Variants in CSMD1 observed in about 807,000 individuals in gnomAD.
CSMD1 encodes CUB and sushi domain-containing protein 1.
CSMD1 carries 213 observed loss-of-function variants against 417.5 expected under a neutral mutation model. That is an observed-to-expected ratio of 0.51 (90% CI 0.46 to 0.57). The LOEUF (loss-of-function observed/expected upper bound fraction) is 0.57. Among genes scored for constraint, CSMD1 ranks in the 20% least tolerant of loss-of-function variants. CSMD1 has a pLI of 0.00. For synonymous variants in CSMD1, 2,862 were observed against 1,736.8 expected, an observed-to-expected ratio of 1.65 and a Z score of -16.11; for missense variants, 6,923 against 4,529.7, an observed-to-expected ratio of 1.53 and a Z score of -15.17.
intron 3 of CSMD1, among the ~76,000 whole-genome samples, chr8:4,323,405 G>A (rs943193980): frequency 3.9e-5 from 6 of 152,122 alleles, no homozygotes; most frequent in Non-Finnish European, 2.9e-5. Context: ...TCACAGCCTT[G>A]TTCCATGTCT....
At chr8:3,239,133 C>T (rs1263037330) in intron 26 of CSMD1, among the ~76,000 whole-genome samples, 3 of 152,112 alleles carry the variant, frequency 2.0e-5, no homozygotes, top group Non-Finnish European at 2.9e-5. Context: ...ACTTTCTATT[C>T]CTTTTTAAGT....
Position 4,336,425 on chromosome 8 carries a change from C to T in CSMD1, c.415+83528G>A, listed in dbSNP as rs372638297. Among the ~76,000 whole-genome samples, 5 of 152,178 alleles carry T rather than the reference C, an allele frequency of 3.3e-5. No individual in the cohort carries two copies. The East Asian group carries it at 7.8e-4, about 24-fold the overall frequency. ...ACTCCTGATGGAATGACCCTAAGGCCCCCGGTCAGTTAATGTCAGCATCTG... is the reference window on the plus strand; with the variant it reads ...ACTCCTGATGGAATGACCCTAAGGCTCCCGGTCAGTTAATGTCAGCATCTG... On this transcript the variant is annotated intron_variant, in intron 3 of 69. Transcript: ENST00000635120.
At chr8:3,430,180 A>G (rs1814128597) in intron 12 of CSMD1, among the ~76,000 whole-genome samples, 1 of 152,142 alleles carries the variant, frequency 6.6e-6, no homozygotes, top group Admixed American at 6.6e-5. Flanking sequence ...GAATTCTAAT[A>G]TCTCATCTTC....
At chr8:4,803,520 A>G (rs1416026093) in intron 1 of CSMD1, among the ~76,000 whole-genome samples, 1 of 152,104 alleles carries the variant, frequency 6.6e-6, no homozygotes, top group Admixed American at 6.5e-5. Flanking sequence ...ACAGACCAGA[A>G]CTACCAGAGA....
chr8:3,693,323 AT>A (rs552740174), intron 7 of CSMD1, among the ~76,000 whole-genome samples: 10 of 151,830 alleles, frequency 6.6e-5, no homozygotes, highest in Non-Finnish European at 1.5e-4. Context: ...ATATATGATA[AT>A]TTTTTTTTCA....
rs573336549 is a variant in CSMD1 at position 3,284,327 on chromosome 8, C to A, written c.3970G>T (p.Asp1324Tyr). The change falls in exon 26 of 70, where the codon GAC becomes TAC. Residue 1324 changes from aspartate (D) to tyrosine (Y), a missense_variant. Transcript: ENST00000635120. ...AGGATGTCGTGAGCCATCTCCGTGTCGAAAACAATGAAATGGAGGCTGCAA... is the reference window on the plus strand; with the variant it reads ...AGGATGTCGTGAGCCATCTCCGTGTAGAAAACAATGAAATGGAGGCTGCAA... The part of the protein sequence containing the change: ...KTISLHFIVF[D>Y]TEMAHDILKV... 3 of 1,613,588 alleles carry A rather than the reference C, an allele frequency of 1.9e-6. No individual in the cohort carries two copies. The highest frequency in any genetic ancestry group is 1.3e-5 in the African/African-American group (1 of 75,002).
chr8:3,144,019 A>G (rs1261775167), intron 40 of CSMD1, among the ~76,000 whole-genome samples: 1 of 152,230 alleles, frequency 6.6e-6, no homozygotes, highest in East Asian at 1.9e-4. Context: ...TTAATTATGG[A>G]GAAACTTGGC....
chr8:3,674,149 G>C (rs1486330757), intron 7 of CSMD1, among the ~76,000 whole-genome samples: 1 of 152,130 alleles, frequency 6.6e-6, no homozygotes, highest in African/African-American at 2.4e-5. Context: ...ATTTGTCAAT[G>C]TTGAGCAACA....
At chr8:4,066,964 C>G (rs557591485) in intron 3 of CSMD1, among the ~76,000 whole-genome samples, 1 of 152,330 alleles carries the variant, frequency 6.6e-6, no homozygotes, top group East Asian at 1.9e-4. Flanking sequence ...AGGGTGGAAC[C>G]TAATGAGTAT....
chr8:3,292,631 C>T (rs1029425078), intron 25 of CSMD1, among the ~76,000 whole-genome samples: 11 of 152,098 alleles, frequency 7.2e-5, no homozygotes, highest in Non-Finnish European at 1.5e-4. Flanking sequence ...TCTGTTTTAT[C>T]AGAGACTAGG....
intron 1 of CSMD1, among the ~76,000 whole-genome samples, chr8:4,903,300 AT>A (rs780518422): frequency 6.4e-4 from 98 of 152,240 alleles, no homozygotes; most frequent in Non-Finnish European, 1.2e-3. Flanking sequence ...TCTGATTTCC[AT>A]TTAGCAATTG....
chr8:3,010,338 G>A lies in CSMD1; in HGVS notation c.8029+8139C>T, dbSNP rs367878823. Among the ~76,000 whole-genome samples the A allele has an allele frequency of 1.8e-4, 27 of 152,308 alleles. 1 individual carries two copies. Among genetic ancestry groups the A allele is most frequent in the East Asian group, 1.2e-3 (6 of 5,186 alleles). On this transcript the variant is annotated intron_variant, in intron 52 of 69. Transcript: ENST00000635120. ...CTATGCACTTCCCCTATTGGACTGT[G>A]AGTTCTGAGTGCAGCACCATGCCTT...
At chr8:3,971,885 T>C (rs1025797968) in intron 5 of CSMD1, among the ~76,000 whole-genome samples, 1 of 152,146 alleles carries the variant, frequency 6.6e-6, no homozygotes, top group Admixed American at 6.6e-5. Flanking sequence ...TCTTTGTTGA[T>C]TTTTTTGTTG....
intron 1 of CSMD1, among the ~76,000 whole-genome samples, chr8:4,700,917 G>A (rs1457713442): frequency 2.6e-5 from 4 of 152,160 alleles, no homozygotes; most frequent in African/African-American, 9.7e-5. Flanking sequence ...GATTTCAGAG[G>A]AGCAGAGAAC....
chr8:3,387,423 C>T (rs915488035), intron 18 of CSMD1, 71 bp downstream of exon 18: 12 of 1,327,702 alleles, frequency 9.0e-6, no homozygotes, highest in Non-Finnish European at 1.2e-5. Flanking sequence ...ACACACACCA[C>T]CCAGCTAGTT....
chr8:3,584,455 C>T (rs184893785), intron 9 of CSMD1, among the ~76,000 whole-genome samples: 41 of 152,034 alleles, frequency 2.7e-4, no homozygotes, highest in Non-Finnish European at 4.6e-4. Flanking sequence ...GCGTGAGTAG[C>T]TGGGGGGTTG....
chr8:4,417,027 G>A (rs962119948), intron 3 of CSMD1, among the ~76,000 whole-genome samples: 1 of 151,982 alleles, frequency 6.6e-6, no homozygotes, highest in African/African-American at 2.4e-5. Context: ...TCCAAGTATA[G>A]AACTAGCAAG....
At chr8:3,189,041 A>G in intron 34 of CSMD1, 30 bp from the exon 35 acceptor site, 1 of 1,600,248 alleles carries the variant, frequency 6.2e-7, no homozygotes, top group Non-Finnish European at 8.5e-7. Context: ...GTCATGAAAT[A>G]AAGTGCTGTG....
chr8:3,321,018 C>T (rs1040182216), intron 23 of CSMD1, among the ~76,000 whole-genome samples: 1 of 152,114 alleles, frequency 6.6e-6, no homozygotes, highest in Non-Finnish European at 1.5e-5. Flanking sequence ...AAAATGGCCT[C>T]GCTTTTGTAT....
Sources: allele counts gnomAD v4.1 joint callset (sites outside exome capture counted in the v4.1 genomes callset), GRCh38; gene constraint gnomAD v4.1.1; transcripts MANE v1.5; gene names NCBI Gene and HGNC (gene_info 2026-07-23, HGNC 2026-07-21).